Variants in MYO3B observed in about 807,000 individuals in gnomAD.
MYO3B encodes myosin-IIIb.
A neutral mutation model predicts 174.6 loss-of-function variants in MYO3B; 156 were observed. The ratio of observed to expected loss-of-function variants is 0.89; its 90% confidence interval spans 0.78 to 1.02. The LOEUF (loss-of-function observed/expected upper bound fraction) is 1.02. MYO3B is among the 50% of genes least tolerant of loss of function. The probability of loss-of-function intolerance (pLI) is 0.00; values close to 1 mark genes in which losing one functional copy is unlikely to be tolerated. For synonymous variants in MYO3B, 563 were observed against 569.1 expected, an observed-to-expected ratio of 0.99 and a Z score of 0.15; for missense variants, 1,632 against 1,639.4, an observed-to-expected ratio of 1.00 and a Z score of 0.08.
At chr2:170,221,382 G>C (rs1017257328) in intron 6 of MYO3B, among the ~76,000 whole-genome samples, 1 of 151,982 alleles carries the variant, frequency 6.6e-6, no homozygotes, top group African/African-American at 2.4e-5. Flanking sequence ...CCACAAGCTT[G>C]AGTAAGTGTA....
chr2:170,316,914 A>T (rs941224928), intron 7 of MYO3B, among the ~76,000 whole-genome samples: 2 of 152,098 alleles, frequency 1.3e-5, no homozygotes, highest in Non-Finnish European at 1.5e-5. Flanking sequence ...AAAATTTGGG[A>T]CCTATAGAAG....
At chr2:170,524,328 G>GC (rs1291711983) in intron 30 of MYO3B, among the ~76,000 whole-genome samples, 1 of 152,102 alleles carries the variant, frequency 6.6e-6, no homozygotes, top group Non-Finnish European at 1.5e-5. Flanking sequence ...ACCTACACCT[G>GC]CCCCCCATCA....
chr2:170,455,540 A>C (rs1280866949), intron 23 of MYO3B, among the ~76,000 whole-genome samples: 2 of 152,228 alleles, frequency 1.3e-5, no homozygotes, highest in African/African-American at 4.8e-5. Flanking sequence ...TGGAATGGGA[A>C]GAATAATATT....
intron 32 of MYO3B, among the ~76,000 whole-genome samples, chr2:170,628,262 C>G (rs1019518281): frequency 6.6e-6 from 1 of 152,246 alleles, no homozygotes; most frequent in Admixed American, 6.5e-5. Context: ...GCCCCACCCC[C>G]AGCCTCACTG....
chr2:170,268,247 GAAAAGGGCAAACTCCACTA>G (rs2093399065), intron 7 of MYO3B, among the ~76,000 whole-genome samples: 3 of 152,260 alleles, frequency 2.0e-5, no homozygotes, highest in Middle Eastern at 6.8e-3. Flanking sequence ...GATTTCTGGA[GAAAAGGGCAAACTCCACTA>G]AAGTAGGATC....
intron 32 of MYO3B, among the ~76,000 whole-genome samples, chr2:170,632,917 T>G (rs137976101): frequency 6.2e-5 from 9 of 144,380 alleles, no homozygotes; most frequent in Non-Finnish European, 9.3e-5. Flanking sequence ...ACTTATACCC[T>G]CCAAAGACAG....
intron 8 of MYO3B, among the ~76,000 whole-genome samples, chr2:170,339,472 G>C (rs563027114): frequency 2.1e-4 from 32 of 152,236 alleles, no homozygotes; most frequent in Admixed American, 1.9e-3. Flanking sequence ...ATCTGAACAA[G>C]TTGGTCTGGC....
chr2:170,311,303 A>G (rs2093737694), intron 7 of MYO3B, among the ~76,000 whole-genome samples: 1 of 151,950 alleles, frequency 6.6e-6, no homozygotes, highest in South Asian at 2.1e-4. Flanking sequence ...TTTTATAGCC[A>G]TCCTAGTGGG....
intron 28 of MYO3B, among the ~76,000 whole-genome samples, chr2:170,513,956 T>C (rs888593374): frequency 2.0e-5 from 3 of 152,174 alleles, no homozygotes; most frequent in African/African-American, 7.2e-5. Context: ...ATGTGGTATA[T>C]TTGGAAGCAC....
intron 3 of MYO3B, among the ~76,000 whole-genome samples, chr2:170,209,289 T>G (rs1333110757): frequency 6.6e-6 from 1 of 152,298 alleles, no homozygotes; most frequent in Admixed American, 6.5e-5. Flanking sequence ...GAGGGACATA[T>G]ATGCTCCAAA....
At position 170,529,057 on chromosome 2, in the gene MYO3B, A is replaced by T. The variant is rs6433210; in HGVS notation, c.3575+9517A>T. 2.0e-4 allele frequency among the ~76,000 whole-genome samples: 30 copies of T among 152,226 alleles called. 1 individual carries two copies. Among genetic ancestry groups the T allele is most frequent in the Non-Finnish European group, 5.9e-5 (4 of 68,052 alleles). ...TTCCAAAAAATTGCTGTTTAATTTC[A>T]CCTGATAGCTCTCTTCTTTCTTATA... On this transcript the variant is annotated intron_variant, in intron 30 of 34. Transcript: ENST00000408978.
intron 32 of MYO3B, among the ~76,000 whole-genome samples, chr2:170,591,188 A>G (rs1372169833): frequency 6.6e-6 from 1 of 152,058 alleles, no homozygotes; most frequent in East Asian, 1.9e-4. Flanking sequence ...TAGGTTTTTG[A>G]TTGCTCTCCT....
At chr2:170,477,701 A>T (rs748319890) in intron 25 of MYO3B, among the ~76,000 whole-genome samples, 1 of 150,670 alleles carries the variant, frequency 6.6e-6, no homozygotes, top group Non-Finnish European at 1.5e-5. Flanking sequence ...TAGATTCTAC[A>T]TACTAGATTC....
chr2:170,343,019 T>C (rs1480822382), intron 8 of MYO3B, among the ~76,000 whole-genome samples: 1 of 144,468 alleles, frequency 6.9e-6, no homozygotes, highest in East Asian at 2.0e-4. Context: ...ACTTCCACAG[T>C]TCGGGCCTCT....
At chr2:170,516,631 A>G (rs1688329472) in intron 29 of MYO3B, among the ~76,000 whole-genome samples, 1 of 144,954 alleles carries the variant, frequency 6.9e-6, no homozygotes, top group Admixed American at 6.9e-5. Context: ...CAACAGAGCC[A>G]GACTCCGTCT....
At chr2:170,535,896 C>T (rs1001596515) in intron 30 of MYO3B, among the ~76,000 whole-genome samples, 1 of 152,246 alleles carries the variant, frequency 6.6e-6, no homozygotes, top group Non-Finnish European at 1.5e-5. Context: ...CCCTTCTCCA[C>T]TACTGCGTCT....
At chr2:170,582,006 T>C (rs1265648636) in intron 32 of MYO3B, among the ~76,000 whole-genome samples, 2 of 152,210 alleles carry the variant, frequency 1.3e-5, no homozygotes, top group Non-Finnish European at 2.9e-5. Flanking sequence ...TACACCAAGA[T>C]TGGACAGGCC....
At chr2:170,552,327 A>T (rs906749753) in intron 32 of MYO3B, among the ~76,000 whole-genome samples, 2 of 152,200 alleles carry the variant, frequency 1.3e-5, no homozygotes, top group African/African-American at 4.8e-5. Flanking sequence ...AGTGATATGG[A>T]CAGTGAAGTC....
chr2:170,402,253 A>G (rs7571574), intron 18 of MYO3B, among the ~76,000 whole-genome samples: 88,196 of 152,096 alleles, frequency 0.58, 26,338 homozygotes, highest in East Asian at 0.88. Context: ...TGGAACACCA[A>G]GCATAAATGG....
Sources: gnomAD v4.1 joint callset for allele counts (sites outside exome capture counted in the v4.1 genomes callset) on GRCh38, gnomAD v4.1.1 for gene constraint, MANE v1.5 for transcripts, NCBI Gene and HGNC (gene_info 2026-07-23, HGNC 2026-07-21) for gene names.